Variants in NMRK1 observed in about 807,000 individuals in gnomAD.
NMRK1 encodes the protein nicotinamide riboside kinase 1.
In NMRK1, 28 loss-of-function variants were observed where a neutral mutation model predicts 29.9. The observed-to-expected ratio is 0.94, with a 90% confidence interval of 0.69 to 1.28. The LOEUF is 1.28. Among genes scored for constraint, NMRK1 ranks in the 50% most tolerant of loss-of-function variants. The pLI is 0.00. For synonymous variants in NMRK1, 58 were observed against 73.0 expected (o/e 0.79, Z 1.05); for missense variants, 218 against 233.1 (o/e 0.94, Z 0.42).
At chr9:75,076,005 G>C (rs1587386650) in intron 4 of NMRK1, among the ~76,000 whole-genome samples, 1 of 152,336 alleles carries the variant, frequency 6.6e-6, no homozygotes, top group East Asian at 1.9e-4. Context: ...AGCCACTATG[G>C]AGAAGTACAG....
Position 75,077,476 on chromosome 9 carries a change from A to T in NMRK1, c.120+14T>A. 1 of 1,514,398 alleles carries T rather than the reference A, an allele frequency of 6.6e-7. No individual in the cohort carries two copies. The highest frequency in any genetic ancestry group is 1.8e-5 in the Admixed American group (1 of 56,762). The allele number at this position is 1,514,398 out of a possible 1,614,324, so 93.8% of individuals were successfully genotyped here. ...TTTGTATTAAATAAATAATTTAAGA[A>T]GTTTTATAGATACCTTGAAGAAATC... On this transcript the variant is annotated intron_variant, in intron 3 of 8. Coordinates refer to ENST00000361092, the MANE Select transcript of NMRK1 (RefSeq NM_017881.3).
intron 4 of NMRK1, among the ~76,000 whole-genome samples, chr9:75,076,024 C>CA (rs772650441): frequency 1.7e-3 from 252 of 152,212 alleles, no homozygotes; most frequent in Non-Finnish European, 3.1e-3. Flanking sequence ...AGAGATTCCT[C>CA]AAAAAATTAA....
chr9:75,076,189 T>C (rs766465439), intron 4 of NMRK1, among the ~76,000 whole-genome samples: 1 of 152,196 alleles, frequency 6.6e-6, no homozygotes, highest in Non-Finnish European at 1.5e-5. Context: ...TACCCATCGA[T>C]GAATAAATGA....
At chr9:75,072,823 T>C (rs769286183) in intron 4 of NMRK1, among the ~76,000 whole-genome samples, 5 of 152,240 alleles carry the variant, frequency 3.3e-5, no homozygotes, top group Non-Finnish European at 5.9e-5. Flanking sequence ...TGCCCTTGCA[T>C]ATATGGACTG....
rs199613041 is a variant in NMRK1, at chr9:75,060,870, C to T, written c.*678G>A. On this transcript the variant is annotated 3_prime_UTR_variant, in exon 9 of 9. Coordinates refer to ENST00000361092, the MANE Select transcript of NMRK1 (RefSeq NM_017881.3). ...TATTAGATACACGCCAACACACACA[C>T]ACACACACACACACACACACACACA... The T allele has an allele frequency of 1.9e-5, 1 of 53,136 alleles. No homozygotes were observed. The highest frequency in any genetic ancestry group is 4.2e-5 in the Non-Finnish European group (1 of 23,968). The allele number at this position is 53,136 out of a possible 1,614,324, so 3.3% of individuals were successfully genotyped here.
intron 4 of NMRK1, among the ~76,000 whole-genome samples, chr9:75,070,349 G>A (rs747328432): frequency 1.3e-5 from 2 of 152,002 alleles, no homozygotes; most frequent in East Asian, 1.9e-4. Flanking sequence ...TTATAACTTC[G>A]ATTCTCTCCT....
chr9:75,074,272 T>A (rs1373762499), intron 4 of NMRK1, among the ~76,000 whole-genome samples: 4 of 152,088 alleles, frequency 2.6e-5, no homozygotes, highest in East Asian at 3.9e-4. Flanking sequence ...AAAAAAAAAA[T>A]ACCAGTCTGA....
At chr9:75,083,423 G>T (rs781422250) in intron 1 of NMRK1, among the ~76,000 whole-genome samples, 2 of 152,218 alleles carry the variant, frequency 1.3e-5, no homozygotes, top group Admixed American at 6.5e-5. Context: ...GGGCGTGGAA[G>T]AACTGCTAGG....
At chr9:75,087,184 C>A (rs1418804554) in intron 1 of NMRK1, among the ~76,000 whole-genome samples, 1 of 152,108 alleles carries the variant, frequency 6.6e-6, no homozygotes, top group African/African-American at 2.4e-5. Flanking sequence ...GGATTACAGA[C>A]GTGAAGGGCT....
At chr9:75,067,296 A>G (rs1823410350) in intron 7 of NMRK1, 1 of 155,074 alleles carries the variant, frequency 6.4e-6, no homozygotes, top group Non-Finnish European at 1.4e-5. Context: ...CTCAGAATTC[A>G]CCAGGCTCAG....
At chr9:75,063,584 A>T (rs1823165394) in intron 8 of NMRK1, among the ~76,000 whole-genome samples, 1 of 152,190 alleles carries the variant, frequency 6.6e-6, no homozygotes. Flanking sequence ...TTATTGTTTC[A>T]TTAACAATTA....
intron 8 of NMRK1, among the ~76,000 whole-genome samples, chr9:75,064,297 C>T (rs1823213913): frequency 6.6e-6 from 1 of 152,146 alleles, no homozygotes. Context: ...CTGGCCATTG[C>T]TGAGAAGACA....
intron 8 of NMRK1, among the ~76,000 whole-genome samples, chr9:75,062,830 G>C (rs1056161662): frequency 6.6e-6 from 1 of 152,162 alleles, no homozygotes; most frequent in Admixed American, 6.5e-5. Context: ...TCAGGAGTTT[G>C]AGACCAGCCT....
At chr9:75,087,252 C>CT in intron 1 of NMRK1, among the ~76,000 whole-genome samples, 1 of 152,144 alleles carries the variant, frequency 6.6e-6, no homozygotes, top group Non-Finnish European at 1.5e-5. Context: ...TATGTAGGTT[C>CT]TTAGGTAAAC....
rs1161099757 is a variant in NMRK1, at chr9:75,072,229, C to G, written c.170-2187G>C. Reference sequence around the variant, plus strand: ...AAAAGAAAACCCATGGATCCCATAGCCATGTCATTCCTCCCGTCCTGGAAT... The same window carrying G: ...AAAAGAAAACCCATGGATCCCATAGGCATGTCATTCCTCCCGTCCTGGAAT... On this transcript the variant is annotated intron_variant, in intron 4 of 8. Transcript: ENST00000361092. Among the ~76,000 whole-genome samples, 9 of 152,110 alleles carry G rather than the reference C, an allele frequency of 5.9e-5. No homozygotes were observed. The East Asian group carries it at 1.3e-3, about 23-fold the overall frequency.
chr9:75,065,486 T>C (rs1823286523), intron 8 of NMRK1, among the ~76,000 whole-genome samples: 1 of 151,820 alleles, frequency 6.6e-6, no homozygotes, highest in African/African-American at 2.4e-5. Flanking sequence ...TTTAAAAAAT[T>C]TTAATTTTTG....
At chr9:75,067,989 T>C (rs1455797066) in intron 7 of NMRK1, among the ~76,000 whole-genome samples, 1 of 152,186 alleles carries the variant, frequency 6.6e-6, no homozygotes, top group Non-Finnish European at 1.5e-5. Context: ...AGCCCACAGA[T>C]CCGGATGCTT....
At chr9:75,082,341 A>G (rs891127000) in intron 2 of NMRK1, among the ~76,000 whole-genome samples, 1 of 152,210 alleles carries the variant, frequency 6.6e-6, no homozygotes, top group Admixed American at 6.5e-5. Flanking sequence ...AGTTCACTCA[A>G]TTTTACTTCT....
intron 4 of NMRK1, among the ~76,000 whole-genome samples, chr9:75,073,774 A>G (rs942799942): frequency 3.3e-5 from 5 of 152,054 alleles, no homozygotes; most frequent in African/African-American, 9.7e-5. Flanking sequence ...AAACTCCCAC[A>G]CCGATTGTGG....
Sources: allele counts gnomAD v4.1 joint callset (sites outside exome capture counted in the v4.1 genomes callset), GRCh38; gene constraint gnomAD v4.1.1; transcripts MANE v1.5; gene names NCBI Gene and HGNC (gene_info 2026-07-23, HGNC 2026-07-21).